Variants in DIPK1A observed in about 807,000 individuals in gnomAD.
DIPK1A encodes the protein family with sequence similarity 69 member A.
Under a neutral mutation model 40.8 loss-of-function variants are expected in DIPK1A, and 27 were observed. The ratio of observed to expected loss-of-function variants is 0.66; its 90% CI spans 0.49 to 0.91. The LOEUF (loss-of-function observed/expected upper bound fraction) is 0.91. Ranked by LOEUF, DIPK1A falls within the 40% of genes least tolerant of loss-of-function variation. DIPK1A has a pLI of 0.00. For synonymous variants in DIPK1A, 166 were observed against 171.3 expected (o/e 0.97, Z 0.24); for missense variants, 412 against 505.7 (o/e 0.81, Z 1.78).
At chr1:92,835,398 A>G (rs1166246476) in intron 4 of DIPK1A, 1 of 200,104 alleles carries the variant, frequency 5.0e-6, no homozygotes. Context: ...CACACTTATA[A>G]TCCCAGCACT....
intron 1 of DIPK1A, among the ~76,000 whole-genome samples, chr1:92,927,784 G>C (rs146218179): frequency 6.6e-6 from 1 of 152,316 alleles, no homozygotes; most frequent in East Asian, 1.9e-4. Context: ...ACATGAATCA[G>C]TACTTCGTTT....
intron 1 of DIPK1A, among the ~76,000 whole-genome samples, chr1:92,906,614 A>G (rs1367943310): frequency 6.6e-6 from 1 of 152,172 alleles, no homozygotes; most frequent in Non-Finnish European, 1.5e-5. Flanking sequence ...TGATACCTAC[A>G]TTGGGGGATA....
intron 1 of DIPK1A, among the ~76,000 whole-genome samples, chr1:92,882,330 G>A (rs1313491589): frequency 1.3e-5 from 2 of 152,232 alleles, no homozygotes; most frequent in African/African-American, 2.4e-5. Context: ...AGAGGTTGCA[G>A]TGAGCTGAGA....
At chr1:92,927,469 A>G (rs1404527237) in intron 1 of DIPK1A, among the ~76,000 whole-genome samples, 1 of 148,590 alleles carries the variant, frequency 6.7e-6, no homozygotes, top group African/African-American at 2.5e-5. Flanking sequence ...AGCCTCCCCA[A>G]GTGCTGGGAT....
At chr1:92,833,989 TC>T (rs1465523532) in intron 4 of DIPK1A, 1 of 336,892 alleles carries the variant, frequency 3.0e-6, no homozygotes, top group Non-Finnish European at 5.7e-6. Flanking sequence ...GCACCTGTAG[TC>T]CCAGCTACTC....
At chr1:92,856,033 T>C (rs1312383931) in intron 2 of DIPK1A, among the ~76,000 whole-genome samples, 1 of 152,110 alleles carries the variant, frequency 6.6e-6, no homozygotes, top group Non-Finnish European at 1.5e-5. Flanking sequence ...AATGTGATTG[T>C]GCCACTGCAC....
chr1:92,960,533 C>G (rs1250806782), intron 1 of DIPK1A, among the ~76,000 whole-genome samples: 1 of 152,118 alleles, frequency 6.6e-6, no homozygotes, highest in Non-Finnish European at 1.5e-5. Flanking sequence ...TACTAGGTCC[C>G]CCTGGTGACC....
chr1:92,864,063 C>A (rs190906365), intron 2 of DIPK1A, among the ~76,000 whole-genome samples: 20 of 151,782 alleles, frequency 1.3e-4, no homozygotes, highest in Admixed American at 5.9e-4. Context: ...CTCAAAAAAA[C>A]CAAAAAACAA....
At chr1:92,846,823 A>ATGTGTG (rs1388942505) in intron 4 of DIPK1A, among the ~76,000 whole-genome samples, 2 of 3,914 alleles carry the variant, frequency 5.1e-4, no homozygotes, top group African/African-American at 2.9e-3. Context: ...ATATATATAT[A>ATGTGTG]TATATATATA....
At chr1:92,869,386 T>G (rs1647726274) in intron 2 of DIPK1A, among the ~76,000 whole-genome samples, 3 of 152,080 alleles carry the variant, frequency 2.0e-5, no homozygotes, top group African/African-American at 4.8e-5. Context: ...CTTAAACTCC[T>G]GGGCTCAAGC....
intron 1 of DIPK1A, among the ~76,000 whole-genome samples, chr1:92,940,626 G>A (rs1215708640): frequency 1.3e-5 from 2 of 152,146 alleles, no homozygotes; most frequent in Non-Finnish European, 2.9e-5. Context: ...ATTTTTGTTT[G>A]TGGATCCCAC....
At chr1:92,941,921 C>T (rs1449447956) in intron 1 of DIPK1A, among the ~76,000 whole-genome samples, 3 of 150,412 alleles carry the variant, frequency 2.0e-5, no homozygotes, top group Non-Finnish European at 3.0e-5. Context: ...ACCCAGGAGG[C>T]GGAGGTTGCA....
intron 1 of DIPK1A, among the ~76,000 whole-genome samples, chr1:92,936,012 A>G (rs1650931247): frequency 6.6e-6 from 1 of 152,094 alleles, no homozygotes; most frequent in South Asian, 2.1e-4. Context: ...CCTGGGCCCA[A>G]GAGTTCAAGG....
intron 2 of DIPK1A, among the ~76,000 whole-genome samples, chr1:92,852,473 C>A (rs1165371369): frequency 2.0e-5 from 3 of 151,912 alleles, no homozygotes; most frequent in Admixed American, 2.0e-4. Context: ...GCACTCCAGC[C>A]TGGGCAAGAA....
At chr1:92,904,958 T>A (rs759896458) in intron 1 of DIPK1A, among the ~76,000 whole-genome samples, 7 of 152,176 alleles carry the variant, frequency 4.6e-5, no homozygotes, top group Non-Finnish European at 8.8e-5. Context: ...TCCAGTTCCA[T>A]CCATGTTGTT....
intron 1 of DIPK1A, among the ~76,000 whole-genome samples, chr1:92,909,575 T>C (rs1649751605): frequency 6.6e-6 from 1 of 152,056 alleles, no homozygotes; most frequent in Non-Finnish European, 1.5e-5. Flanking sequence ...AAGAGTGGCT[T>C]TCACAGGACA....
Position 92,842,692 on chromosome 1 carries a change from G to A in DIPK1A, c.*691C>T, listed in dbSNP as rs1403288830. On this transcript the variant is annotated 3_prime_UTR_variant, in exon 5 of 5. Transcript: ENST00000370310. ...TAAGATGTCAGTTTTGAAGGGCTCAGTCAGCTGCGTGATACTAAGATGGGC... is the reference window on the plus strand; with the variant it reads ...TAAGATGTCAGTTTTGAAGGGCTCAATCAGCTGCGTGATACTAAGATGGGC... The A allele has an allele frequency of 1.0e-6, 1 of 985,302 alleles. No homozygotes were observed. The highest frequency in any genetic ancestry group is 1.1e-4 in the East Asian group (1 of 8,822). 61.0% of individuals were successfully genotyped at this position (985,302 alleles called of 1,614,324 possible). A position where few individuals can be genotyped will look rare whatever the true frequency, so the allele number is the denominator to read the frequency against.
intron 1 of DIPK1A, among the ~76,000 whole-genome samples, chr1:92,949,712 C>T (rs756569376): frequency 6.6e-6 from 1 of 152,110 alleles, no homozygotes; most frequent in African/African-American, 2.4e-5. Context: ...TAAAGAGAGG[C>T]TACCTTTAGG....
rs1650989804 is a variant in DIPK1A at position 92,937,488 on chromosome 1, C to T, written c.54+23888G>A. On this transcript the variant is annotated intron_variant, in intron 1 of 4. Transcript: ENST00000370310. ...AAATCCCCACATGCTTTATTTTTTACAGACTAAATGGTGATCCGGAAAGAA... is the reference window on the plus strand; with the variant it reads ...AAATCCCCACATGCTTTATTTTTTATAGACTAAATGGTGATCCGGAAAGAA... Among the ~76,000 whole-genome samples the T allele has an allele frequency of 2.0e-5, 3 of 152,092 alleles. No homozygotes were observed. In the South Asian group the frequency reaches 6.2e-4, roughly 31 times the overall value.
Sources: gnomAD v4.1 joint callset for allele counts (sites outside exome capture counted in the v4.1 genomes callset) on GRCh38, gnomAD v4.1.1 for gene constraint, MANE v1.5 for transcripts, NCBI Gene and HGNC (gene_info 2026-07-23, HGNC 2026-07-21) for gene names.